The following SCFD2 variants were observed in gnomAD, a reference collection of about 807,000 sequenced individuals.
SCFD2 encodes the protein sec1 family domain-containing protein 2.
SCFD2 carries 54 observed loss-of-function variants against 58.9 expected under a neutral mutation model. The observed-to-expected ratio is 0.92, with a 90% CI of 0.74 to 1.15. The LOEUF is 1.15. Among genes scored for constraint, SCFD2 ranks in the 50% most tolerant of loss-of-function variants. The pLI is 0.00. For missense variants in SCFD2, 805 were observed against 836.6 expected (o/e 0.96, Z 0.47); for synonymous variants, 321 against 335.9 (o/e 0.96, Z 0.49).
chr4:53,324,709 C>T (rs1002474281), intron 2 of SCFD2, among the ~76,000 whole-genome samples: 7 of 151,940 alleles, frequency 4.6e-5, no homozygotes, highest in Non-Finnish European at 7.4e-5. Flanking sequence ...TCTGGTTGTC[C>T]GGTACATGGC....
intron 5 of SCFD2, among the ~76,000 whole-genome samples, chr4:52,923,269 G>C (rs1247002698): frequency 6.6e-6 from 1 of 152,078 alleles, no homozygotes; most frequent in Non-Finnish European, 1.5e-5. Context: ...TTGAGGTCAG[G>C]AGTTCGAGAC....
intron 4 of SCFD2, among the ~76,000 whole-genome samples, chr4:53,230,168 TTGG>T (rs1202183521): frequency 6.6e-6 from 1 of 152,198 alleles, no homozygotes. Context: ...TTTTACACTG[TTGG>T]TGGGATTGTA....
intron 4 of SCFD2, among the ~76,000 whole-genome samples, chr4:53,246,399 A>C (rs1730073864): frequency 6.6e-6 from 1 of 152,242 alleles, no homozygotes; most frequent in Admixed American, 6.5e-5. Context: ...GGGAATCCTA[A>C]CCAAAAAGAA....
chr4:53,273,714 G>A, intron 4 of SCFD2, 112 bp downstream of exon 4: 1 of 934,840 alleles, frequency 1.1e-6, no homozygotes, highest in Non-Finnish European at 1.5e-6. Flanking sequence ...ATGAAGCAGG[G>A]CACATGTCAA....
At chr4:53,003,366 T>A (rs1303598797) in intron 5 of SCFD2, among the ~76,000 whole-genome samples, 1 of 152,202 alleles carries the variant, frequency 6.6e-6, no homozygotes, top group Non-Finnish European at 1.5e-5. Flanking sequence ...CATGTACATA[T>A]GAAGTAATAA....
chr4:53,331,173 AT>A (rs1221666781), intron 2 of SCFD2, among the ~76,000 whole-genome samples: 2 of 151,884 alleles, frequency 1.3e-5, no homozygotes, highest in African/African-American at 2.4e-5. Flanking sequence ...CACTGTCAAC[AT>A]TAGACAGATC....
At chr4:53,160,073 G>T (rs1411298791) in intron 4 of SCFD2, among the ~76,000 whole-genome samples, 5 of 152,202 alleles carry the variant, frequency 3.3e-5, no homozygotes, top group Non-Finnish European at 7.3e-5. Flanking sequence ...GGGAGAGGGT[G>T]CTAGATCAAT....
chr4:52,940,847 T>G (rs1184810926), intron 5 of SCFD2, among the ~76,000 whole-genome samples: 1 of 151,988 alleles, frequency 6.6e-6, no homozygotes, highest in African/African-American at 2.4e-5. Context: ...CCTGTGGGAG[T>G]AGGAATGAGC....
At position 53,365,351 on chromosome 4, in the gene SCFD2, C is replaced by T; in HGVS notation, c.591G>A (p.Leu197=). 6.2e-7 allele frequency: 1 copy of T among 1,614,196 alleles called. No homozygotes were observed. The change falls in exon 1 of 9, where the codon CTG becomes CTA. Residue 197 remains leucine (L), a synonymous_variant. Transcript: ENST00000401642. This position sits in a 1 kb window ranked among gnomAD's most constrained non-coding sequence, Gnocchi z 4.3. ...TGGAGTCCACATCACCCAGGCTTCC[C>T]AGCTTCCTCTTGTCCGGTCGGGCGC... ...LNSARPDKRK[L]GSLGDVDSTT... is the part of the protein sequence containing the mutation.
At chr4:53,007,381 G>GGAAA (rs1347078058) in intron 5 of SCFD2, among the ~76,000 whole-genome samples, 1 of 78,814 alleles carries the variant, frequency 1.3e-5, no homozygotes, top group Non-Finnish European at 2.7e-5. Flanking sequence ...AGGAAAGGAA[G>GGAAA]GAAAGAAGGA....
chr4:53,354,337 C>T (rs546503458), intron 1 of SCFD2, among the ~76,000 whole-genome samples: 1 of 152,346 alleles, frequency 6.6e-6, no homozygotes, highest in South Asian at 2.1e-4. Context: ...GGTGCTAAGC[C>T]CCTCACTGCC....
At chr4:53,197,945 G>T (rs1004929865) in intron 4 of SCFD2, among the ~76,000 whole-genome samples, 3 of 151,876 alleles carry the variant, frequency 2.0e-5, no homozygotes, top group African/African-American at 7.3e-5. Flanking sequence ...ATCTGTCTAG[G>T]ATGGCTCTTG....
rs188772339 is a variant in SCFD2, at chr4:52,971,666, C to T, written c.1562-50796G>A. 1.8e-3 allele frequency among the ~76,000 whole-genome samples: 267 copies of T among 152,212 alleles called. 2 individuals are homozygous for T. The East Asian group carries it at 0.025, about 14-fold the overall frequency. ...ATTCAAATTCAGGAAATACAGGGAACGCCACAAAGATACTCCTTGAGAAGA... is the reference window on the plus strand; with the variant it reads ...ATTCAAATTCAGGAAATACAGGGAATGCCACAAAGATACTCCTTGAGAAGA... On this transcript the variant is annotated intron_variant, in intron 5 of 8. Transcript: ENST00000401642.
chr4:53,011,884 T>A (rs995279236), intron 5 of SCFD2, among the ~76,000 whole-genome samples: 6 of 152,116 alleles, frequency 3.9e-5, no homozygotes, highest in African/African-American at 1.2e-4. Context: ...GTACATAATA[T>A]ACTATGAATT....
intron 2 of SCFD2, among the ~76,000 whole-genome samples, chr4:53,350,539 TG>T (rs1474861638): frequency 4.6e-5 from 7 of 152,218 alleles, no homozygotes; most frequent in African/African-American, 1.4e-4. Flanking sequence ...TAGCCAAAAT[TG>T]ATTTCCATTG....
chr4:53,272,188 A>T lies in SCFD2; in HGVS notation c.1311+1638T>A, dbSNP rs529406740. 3.3e-5 allele frequency among the ~76,000 whole-genome samples: 5 copies of T among 152,316 alleles called. No individual in the cohort carries two copies. In the South Asian group the frequency reaches 8.3e-4, roughly 25 times the overall value. On this transcript the variant is annotated intron_variant, in intron 4 of 8. Coordinates refer to ENST00000401642, the MANE Select transcript of SCFD2 (RefSeq NM_152540.4). ...CACACCAGTTAGAATGGCGATCATT[A>T]AAAAGTCAGGAAACAACAGGTGCTG...
chr4:52,996,258 C>A (rs1721738839), intron 5 of SCFD2, among the ~76,000 whole-genome samples: 2 of 152,172 alleles, frequency 1.3e-5, no homozygotes, highest in South Asian at 4.1e-4. Flanking sequence ...CATAAGGACC[C>A]CACTGCCTCC....
At chr4:53,297,612 T>C (rs1248835517) in intron 3 of SCFD2, among the ~76,000 whole-genome samples, 2 of 152,218 alleles carry the variant, frequency 1.3e-5, no homozygotes, top group Non-Finnish European at 2.9e-5. Flanking sequence ...TTATCCAATT[T>C]GCCAGTCTGT....
rs545107577 is a variant in SCFD2, at chr4:53,008,316, C to T, written c.1562-87446G>A. On this transcript the variant is annotated intron_variant, in intron 5 of 8. Coordinates refer to ENST00000401642, the MANE Select transcript of SCFD2 (RefSeq NM_152540.4). ...GGCAAGAGAGCCTACTGGTGCAGTC[C>T]ATGTAGAATGACACCCCCCCTTCCC... is the stretch of plus-strand genomic sequence containing the variant. Among the ~76,000 whole-genome samples, 4 of 152,230 alleles carry T rather than the reference C, an allele frequency of 2.6e-5. No individual in the cohort carries two copies. In the East Asian group the frequency reaches 7.7e-4, roughly 29 times the overall value.
Sources: gnomAD v4.1 joint callset for allele counts (sites outside exome capture counted in the v4.1 genomes callset) on GRCh38, gnomAD v4.1.1 for gene constraint, Gnocchi (gnomAD v3.1) non-coding constraint, MANE v1.5 for transcripts, NCBI Gene and HGNC (gene_info 2026-07-23, HGNC 2026-07-21) for gene names.